The following PRKDC variants were observed in gnomAD, a reference collection of about 807,000 sequenced individuals.
PRKDC encodes the protein DNA-dependent protein kinase catalytic subunit.
PRKDC carries 82 observed loss-of-function variants against 486.9 expected under a neutral mutation model. That is an observed-to-expected ratio of 0.17 (90% CI 0.14 to 0.20). The LOEUF is 0.20. PRKDC is among the 10% of genes least tolerant of loss of function. PRKDC has a pLI of 1.00. For synonymous variants in PRKDC, 1,895 were observed against 1,837.0 expected (o/e 1.03, Z -0.81); for missense variants, 4,504 against 5,038.2 (o/e 0.89, Z 3.21).
chr8:47,785,719 G>A (rs1030927290), intron 76 of PRKDC, among the ~76,000 whole-genome samples: 1 of 151,764 alleles, frequency 6.6e-6, no homozygotes, highest in Non-Finnish European at 1.5e-5. Flanking sequence ...CTGGGTATCC[G>A]AGTGAGACCG....
At chr8:47,794,160 G>A (rs550355489) in intron 74 of PRKDC, 130 bp downstream of exon 74, 13 of 757,644 alleles carry the variant, frequency 1.7e-5, no homozygotes, top group South Asian at 1.3e-4. Context: ...ACAAAGCGAC[G>A]GCTAAGATTA....
At chr8:47,829,446 G>A (rs1589726002) in intron 61 of PRKDC, among the ~76,000 whole-genome samples, 1 of 152,164 alleles carries the variant, frequency 6.6e-6, no homozygotes, top group East Asian at 1.9e-4. Context: ...AGTTTACTGT[G>A]AAATTCTACT....
Position 47,798,394 on chromosome 8 carries a change from A to G in PRKDC, c.10301T>C (p.Ile3434Thr), listed in dbSNP as rs7830743. The G allele has an allele frequency of 0.078, 123,492 of 1,593,232 alleles. 8,905 individuals carry two copies. The highest frequency in any genetic ancestry group is 0.28 in the Admixed American group (15,541 of 55,438). Residue 3434 changes from isoleucine (I) to threonine (T), a missense_variant, in exon 73 of 86, where the codon ATT (isoleucine) becomes ACT (threonine). Ile to Thr is a moderately conservative substitution (Grantham distance 89). Around this residue, in one of 6 missense-constraint regions of PRKDC, gnomAD observed 706 missense variants for 945.0 expected, o/e 0.75. Transcript: ENST00000314191. ...LRKEEENASV[I>T]DSAELQAYPA... is the part of the protein sequence containing the mutation. ...ATACGCCTGCAGTTCTGCAGAATCA[A>G]TAACTATCAAGGACACCAAAGAAGA...
rs2087020924 is a variant in PRKDC, at chr8:47,798,244, G to A, written c.10451C>T (p.Thr3484Ile). Residue 3484 changes from threonine (T) to isoleucine (I), a missense_variant, in exon 73 of 86, where the codon ACA (threonine) becomes ATA (isoleucine). This residue lies in a region of PRKDC where 706 missense variants were observed against 945.0 expected (regional missense o/e 0.75). Coordinates refer to ENST00000314191, the MANE Select transcript of PRKDC (RefSeq NM_006904.7). ...TAGAATAAAGACACCAACCTCTTTTGTCATGAGGCTCAAAGTCTCCTCTGG... is the reference window on the plus strand; with the variant it reads ...TAGAATAAAGACACCAACCTCTTTTATCATGAGGCTCAAAGTCTCCTCTGG... ...RYPEETLSLM[T>I]KEISSVPCWQ... 6 of 1,611,312 alleles carry A rather than the reference G, an allele frequency of 3.7e-6. No homozygotes were observed. The highest frequency in any genetic ancestry group is 4.2e-6 in the Non-Finnish European group (5 of 1,179,230).
rs1242319282 is a variant in PRKDC, at chr8:47,782,358, G to A, written c.11396+20C>T. ...AGCAATATGCAGCAGCCTACTGGCT[G>A]GGAGCAGCCTGGCAGTTACCTGGAG... On this transcript the variant is annotated intron_variant, in intron 79 of 85. Coordinates refer to ENST00000314191, the MANE Select transcript of PRKDC (RefSeq NM_006904.7). This position sits in a 1 kb window ranked among gnomAD's most constrained non-coding sequence, Gnocchi z 4.9. The A allele has an allele frequency of 6.2e-7, 1 of 1,607,992 alleles. No homozygotes were observed. The highest frequency in any genetic ancestry group is 1.1e-5 in the South Asian group (1 of 90,370).
At chr8:47,938,821 C>CA (rs201725685) in intron 11 of PRKDC, among the ~76,000 whole-genome samples, 2 of 152,192 alleles carry the variant, frequency 1.3e-5, no homozygotes, top group East Asian at 3.8e-4. Context: ...CTCGGCCTCC[C>CA]AAAGCGGTGA....
In PRKDC at chr8:47,944,025, G is replaced by C. The variant is rs1195971636; in HGVS notation, c.726C>G (p.Pro242=). The C allele has an allele frequency of 4.5e-6, 7 of 1,560,892 alleles. No homozygotes were observed. Among genetic ancestry groups the C allele is most frequent in the Non-Finnish European group, 6.1e-6 (7 of 1,151,176 alleles). Residue 242 remains proline, a synonymous_variant, in exon 8 of 86, where the codon CCC becomes CCG. Coordinates refer to ENST00000314191, the MANE Select transcript of PRKDC (RefSeq NM_006904.7). ...AATTAAAAATCTCCCTTGAAGTCTG[G>C]GGATCTAGGGAAATACCAAGAAGCC... ...CNFTKSMEED[P]QTSREIFNFV... is the part of the protein sequence containing the mutation.
At position 47,877,865 on chromosome 8, in the gene PRKDC, A is replaced by C. The variant is rs781688990; in HGVS notation, c.5236-14T>G. 1 of 1,432,550 alleles carries C rather than the reference A, an allele frequency of 7.0e-7. No individual in the cohort carries two copies. Among genetic ancestry groups the C allele is most frequent in the East Asian group, 2.6e-5 (1 of 38,720 alleles). The allele number at this position is 1,432,550 out of a possible 1,614,324, so 88.7% of individuals were successfully genotyped here. On this transcript the variant is annotated splice_polypyrimidine_tract_variant and intron_variant, in intron 39 of 85. Coordinates refer to ENST00000314191, the MANE Select transcript of PRKDC (RefSeq NM_006904.7). Reference sequence around the variant, plus strand: ...TGCATCTAGAAACTAGAAAAAATACATCAACATCATTAAAATTTTGTTGGG... The same window carrying C: ...TGCATCTAGAAACTAGAAAAAATACCTCAACATCATTAAAATTTTGTTGGG...
At chr8:47,890,905 A>AT (rs1435361017) in intron 31 of PRKDC, among the ~76,000 whole-genome samples, 2 of 152,224 alleles carry the variant, frequency 1.3e-5, no homozygotes, top group Non-Finnish European at 2.9e-5. Flanking sequence ...TAGCACTGTT[A>AT]TCAATAATGA....
At chr8:47,936,631 T>G (rs951041077) in intron 11 of PRKDC, 114 bp from the exon 12 acceptor site, 1 of 1,252,408 alleles carries the variant, frequency 8.0e-7, no homozygotes, top group Non-Finnish European at 1.1e-6. Flanking sequence ...GGCTTCTTTT[T>G]TTTTTGAGAC....
At chr8:47,789,595 G>A (rs1472004718) in intron 74 of PRKDC, among the ~76,000 whole-genome samples, 1 of 151,930 alleles carries the variant, frequency 6.6e-6, no homozygotes, top group Non-Finnish European at 1.5e-5. Flanking sequence ...AGGTAAAGAC[G>A]TATCAAATAA....
chr8:47,834,663 T>C (rs1308496532), intron 58 of PRKDC, among the ~76,000 whole-genome samples: 3 of 150,058 alleles, frequency 2.0e-5, no homozygotes, highest in African/African-American at 5.0e-5. Flanking sequence ...TGTTATCTAC[T>C]GAAAGGTGCT....
At chr8:47,955,275 A>G (rs1297911376) in intron 4 of PRKDC, among the ~76,000 whole-genome samples, 1 of 151,468 alleles carries the variant, frequency 6.6e-6, no homozygotes, top group Non-Finnish European at 1.5e-5. Flanking sequence ...ATCCCGGCTA[A>G]AACGGTGAAA....
chr8:47,844,016 C>T (rs991036269), intron 54 of PRKDC, among the ~76,000 whole-genome samples: 3 of 152,144 alleles, frequency 2.0e-5, no homozygotes, highest in East Asian at 1.9e-4. Context: ...GGTAACAACA[C>T]GACAACAGGA....
At position 47,820,939 on chromosome 8, in the gene PRKDC, G is replaced by A. The variant is rs1283813755; in HGVS notation, c.9116C>T (p.Thr3039Ile). The A allele has an allele frequency of 1.9e-6, 3 of 1,559,606 alleles. No individual in the cohort carries two copies. The highest frequency in any genetic ancestry group is 2.6e-6 in the Non-Finnish European group (3 of 1,149,978). The change falls in exon 66 of 86, where the codon ACA becomes ATA. Residue 3039 changes from threonine to isoleucine, a missense_variant. Thr to Ile is a moderately conservative substitution (Grantham distance 89). Coordinates refer to ENST00000314191, the MANE Select transcript of PRKDC (RefSeq NM_006904.7). ...GCTGCGGATCATGTAAGGTAGATATGTTTCCTAAGGAACATAAAAATATAC... is the reference window on the plus strand; with the variant it reads ...GCTGCGGATCATGTAAGGTAGATATATTTCCTAAGGAACATAAAAATATAC... ...KIWSEPFYQE[T>I]YLPYMIRSKL...
intron 15 of PRKDC, 145 bp from the exon 16 acceptor site, chr8:47,933,317 G>A: frequency 4.7e-6 from 3 of 641,684 alleles, no homozygotes; most frequent in Non-Finnish European, 4.9e-6. Flanking sequence ...GATTTACCTG[G>A]AAGTTTTCAA....
At chr8:47,946,926 C>G (rs2090542622) in intron 7 of PRKDC, among the ~76,000 whole-genome samples, 1 of 152,194 alleles carries the variant, frequency 6.6e-6, no homozygotes, top group South Asian at 2.1e-4. Flanking sequence ...AGCAGTCAGG[C>G]AGACCCCTGT....
intron 76 of PRKDC, 150 bp downstream of exon 76, chr8:47,788,756 A>G: frequency 9.8e-6 from 8 of 812,646 alleles, no homozygotes; most frequent in Non-Finnish European, 1.3e-5. Flanking sequence ...CACAGAAAGC[A>G]TGAGACCTAA....
At position 47,951,570 on chromosome 8, in the gene PRKDC, T is replaced by C. The variant is rs147231646; in HGVS notation, c.721+2050A>G. Reference sequence around the variant, plus strand: ...AAGACCGTGTCTCTACAAAACATTTTTTAATATCAGGTATACACCTGTGGT... The same window carrying C: ...AAGACCGTGTCTCTACAAAACATTTCTTAATATCAGGTATACACCTGTGGT... On this transcript the variant is annotated intron_variant, in intron 7 of 85. Transcript: ENST00000314191. 4.0e-3 allele frequency among the ~76,000 whole-genome samples: 600 copies of C among 151,774 alleles called. 4 individuals carry two copies. Among genetic ancestry groups the C allele is most frequent in the South Asian group, 0.024 (117 of 4,796 alleles).
Sources: gnomAD v4.1 joint callset for allele counts (sites outside exome capture counted in the v4.1 genomes callset) on GRCh38, gnomAD v4.1.1 for gene constraint, gnomAD v4.1.1 regional missense constraint, Gnocchi (gnomAD v3.1) non-coding constraint, MANE v1.5 for transcripts, NCBI Gene and HGNC (gene_info 2026-07-23, HGNC 2026-07-21) for gene names.